DNAI7: variants seen among roughly 807,000 people sequenced by gnomAD.
The protein encoded by DNAI7 is dynein axonemal intermediate chain 7.
A neutral mutation model predicts 86.6 loss-of-function variants in DNAI7; 78 were observed. The ratio of observed to expected loss-of-function variants is 0.90; its 90% CI spans 0.75 to 1.09. The LOEUF is 1.09. Among genes scored for constraint, DNAI7 ranks in the 50% least tolerant of loss-of-function variants. DNAI7 has a pLI of 0.00. For missense variants in DNAI7, 753 were observed against 810.2 expected (o/e 0.93, Z 0.86); for synonymous variants, 274 against 273.0 (o/e 1.00, Z -0.04).
intron 9 of DNAI7, among the ~76,000 whole-genome samples, chr12:25,142,224 T>C (rs1462110367): frequency 1.3e-5 from 2 of 152,218 alleles, no homozygotes; most frequent in African/African-American, 4.8e-5. Flanking sequence ...GAGACCATTA[T>C]TGTAAGTGAA....
At chr12:25,187,049 C>G (rs969295080) in intron 2 of DNAI7, among the ~76,000 whole-genome samples, 2 of 152,152 alleles carry the variant, frequency 1.3e-5, no homozygotes, top group African/African-American at 4.8e-5. Flanking sequence ...AAATGTAAAT[C>G]AGATCATGCC....
intron 4 of DNAI7, among the ~76,000 whole-genome samples, chr12:25,157,967 C>T (rs1158885030): frequency 3.9e-5 from 6 of 151,986 alleles, no homozygotes; most frequent in Admixed American, 1.3e-4. Flanking sequence ...TGGTGGCTCA[C>T]GCCTGTAATC....
chr12:25,151,699 C>T (rs868753579), intron 6 of DNAI7, among the ~76,000 whole-genome samples: 23 of 152,196 alleles, frequency 1.5e-4, no homozygotes, highest in South Asian at 2.1e-4. Context: ...TATGATTAAT[C>T]CACAGGCATT....
At chr12:25,190,199 T>C (rs1370232761) in intron 2 of DNAI7, among the ~76,000 whole-genome samples, 1 of 152,164 alleles carries the variant, frequency 6.6e-6, no homozygotes, top group Non-Finnish European at 1.5e-5. Flanking sequence ...ACCCACCAAG[T>C]ATGTGTTACC....
intron 3 of DNAI7, 144 bp from the exon 4 acceptor site, chr12:25,158,707 A>T (rs1190577587): frequency 6.7e-7 from 1 of 1,485,120 alleles, no homozygotes. Flanking sequence ...ATATGAGAAA[A>T]GTGTCAGTTC....
chr12:25,109,024 TATTA>T (rs1453218349), intron 15 of DNAI7, among the ~76,000 whole-genome samples: 1 of 152,130 alleles, frequency 6.6e-6, no homozygotes, highest in Non-Finnish European at 1.5e-5. Flanking sequence ...TATCCACATG[TATTA>T]ATTCATGCAA....
chr12:25,129,323 T>C (rs893101598), intron 9 of DNAI7, among the ~76,000 whole-genome samples: 1 of 152,180 alleles, frequency 6.6e-6, no homozygotes, highest in Admixed American at 6.5e-5. Flanking sequence ...ATGTAAATTA[T>C]GAGAGAAGGA....
chr12:25,187,507 AG>A (rs1298791535), intron 2 of DNAI7, among the ~76,000 whole-genome samples: 1 of 152,210 alleles, frequency 6.6e-6, no homozygotes, highest in Non-Finnish European at 1.5e-5. Flanking sequence ...TCATGAAGGC[AG>A]GAACTTGGTC....
intron 2 of DNAI7, among the ~76,000 whole-genome samples, chr12:25,171,915 C>G (rs575519665): frequency 2.0e-5 from 3 of 152,220 alleles, no homozygotes; most frequent in South Asian, 2.1e-4. Flanking sequence ...ATCCAGCATC[C>G]CTTTATGATT....
chr12:25,144,322 T>C (rs1166449110), intron 9 of DNAI7, 43 bp downstream of exon 9: 8 of 1,480,138 alleles, frequency 5.4e-6, no homozygotes, highest in Non-Finnish European at 6.5e-6. Flanking sequence ...TAATAACGCA[T>C]GCTGCATGAA....
intron 2 of DNAI7, among the ~76,000 whole-genome samples, chr12:25,173,013 C>A (rs1370777703): frequency 6.6e-6 from 1 of 152,032 alleles, no homozygotes; most frequent in African/African-American, 2.4e-5. Flanking sequence ...GATGATAACA[C>A]TAGAAAAACT....
intron 9 of DNAI7, among the ~76,000 whole-genome samples, chr12:25,130,830 T>C (rs1358144200): frequency 6.6e-6 from 1 of 152,120 alleles, no homozygotes; most frequent in Non-Finnish European, 1.5e-5. Flanking sequence ...CCAATACCTA[T>C]AATATTATTA....
chr12:25,112,715 G>GT (rs969693034), intron 13 of DNAI7, among the ~76,000 whole-genome samples: 40 of 151,548 alleles, frequency 2.6e-4, no homozygotes, highest in African/African-American at 8.9e-4. Context: ...CTACACATCT[G>GT]TTTTTTTTTT....
chr12:25,160,294 T>C (rs1946692591), intron 3 of DNAI7, among the ~76,000 whole-genome samples: 3 of 152,252 alleles, frequency 2.0e-5, no homozygotes, highest in Non-Finnish European at 4.4e-5. Flanking sequence ...TAAACATTTG[T>C]TGAATATGAA....
chr12:25,121,689 T>A, intron 11 of DNAI7, 64 bp downstream of exon 11: 1 of 1,303,166 alleles, frequency 7.7e-7, no homozygotes, highest in Non-Finnish European at 1.1e-6. Context: ...TTAGATAATA[T>A]GAAATAAAGT....
chr12:25,108,754 T>C lies in DNAI7; in HGVS notation c.1963A>G (p.Arg655Gly). 6.7e-7 allele frequency: 1 copy of C among 1,490,942 alleles called. No individual in the cohort carries two copies. Among genetic ancestry groups the C allele is most frequent in the Non-Finnish European group, 9.0e-7 (1 of 1,106,794 alleles). 92.4% of individuals were successfully genotyped at this position (1,490,942 alleles called of 1,614,324 possible). The stretch of plus-strand genomic sequence containing the variant: ...TCCTTGATCTTCAGTCTTTGTGCTC[T>C]GTCACCACTAAACATTAAAAGGGCC... ...NWALLMFSGD[R>G]AQRLKIKEES... The change falls in exon 16 of 16, where the codon AGA becomes GGA. Residue 655 changes from arginine (R) to glycine (G), a missense_variant. Transcript: ENST00000395987.
intron 9 of DNAI7, among the ~76,000 whole-genome samples, chr12:25,134,702 TC>T (rs1455850334): frequency 4.6e-5 from 7 of 152,112 alleles, no homozygotes; most frequent in Admixed American, 2.0e-4. Context: ...CATTTGCATA[TC>T]TTTATTCATC....
At chr12:25,166,803 CT>C (rs1299447108) in intron 2 of DNAI7, among the ~76,000 whole-genome samples, 2 of 152,152 alleles carry the variant, frequency 1.3e-5, no homozygotes, top group Non-Finnish European at 2.9e-5. Flanking sequence ...GCTGCCGCTG[CT>C]TTAATACTTT....
At chr12:25,152,709 G>C (rs570411496) in intron 6 of DNAI7, among the ~76,000 whole-genome samples, 1 of 152,298 alleles carries the variant, frequency 6.6e-6, no homozygotes, top group African/African-American at 2.4e-5. Context: ...CTTGTGATTG[G>C]AAGTGAAGGA....
Sources: gnomAD v4.1 joint callset for allele counts (sites outside exome capture counted in the v4.1 genomes callset) on GRCh38, gnomAD v4.1.1 for gene constraint, MANE v1.5 for transcripts, NCBI Gene and HGNC (gene_info 2026-07-23, HGNC 2026-07-21) for gene names.